The following FSCN2 variants were observed in gnomAD, a reference collection of about 807,000 sequenced individuals.
FSCN2 encodes the protein fascin-2.
A neutral mutation model predicts 37.8 loss-of-function variants in FSCN2; 46 were observed. That is an observed-to-expected ratio of 1.22 (90% confidence interval 0.96 to 1.56). The LOEUF (loss-of-function observed/expected upper bound fraction) is 1.56. Among genes scored for constraint, FSCN2 ranks in the 40% most tolerant of loss-of-function variants. The pLI, the probability that FSCN2 is intolerant of heterozygous loss-of-function variation, is 0.00. For missense variants in FSCN2, 844 were observed against 730.4 expected (o/e 1.16, Z -1.79); for synonymous variants, 351 against 309.4 (o/e 1.13, Z -1.41).
chr17:81,526,609 C>G (rs954592414), upstream of FSCN2, among the ~76,000 whole-genome samples: 1 of 152,170 alleles, frequency 6.6e-6, no homozygotes, highest in African/African-American at 2.4e-5. Context: ...GGGTGAGGAG[C>G]GAGACCCTAT....
At chr17:81,535,865 C>T (rs1468118063) in intron 2 of FSCN2, among the ~76,000 whole-genome samples, 1 of 142,958 alleles carries the variant, frequency 7.0e-6, no homozygotes, top group Non-Finnish European at 1.5e-5. Context: ...CCATCCCCCT[C>T]TCCATCCCCA....
At chr17:81,535,431 A>C (rs1377284498) in intron 2 of FSCN2, among the ~76,000 whole-genome samples, 3 of 124,958 alleles carry the variant, frequency 2.4e-5, no homozygotes, top group Non-Finnish European at 4.8e-5. Flanking sequence ...CCCCATCATC[A>C]CCATCCCCAC....
chr17:81,535,773 C>G (rs1356082840), intron 2 of FSCN2, among the ~76,000 whole-genome samples: 20 of 82,426 alleles, frequency 2.4e-4, no homozygotes, highest in Non-Finnish European at 3.8e-4. Context: ...CATCCCCATC[C>G]CCCTCACCAT....
chr17:81,516,592 G>A, the FSCN2 span, among the ~76,000 whole-genome samples: 38 of 152,160 alleles, frequency 2.5e-4, no homozygotes, highest in African/African-American at 2.4e-4. Context: ...GGCTGGTCCC[G>A]GTGGGCAAGG....
upstream of FSCN2, among the ~76,000 whole-genome samples, chr17:81,525,536 C>A (rs2032326236): frequency 6.7e-6 from 1 of 149,576 alleles, no homozygotes; most frequent in Admixed American, 6.7e-5. Context: ...GTCTGACCAA[C>A]ATAATGAAGC....
chr17:81,521,355 A>C, the FSCN2 span, among the ~76,000 whole-genome samples: 3 of 149,340 alleles, frequency 2.0e-5, no homozygotes, highest in Non-Finnish European at 4.4e-5. Context: ...GGCATAAGCC[A>C]AGCCCAGCTT....
At chr17:81,524,930 A>ACACACACCACACACACT (rs1217482763), upstream of FSCN2, among the ~76,000 whole-genome samples, 1 of 114,342 alleles carries the variant, frequency 8.7e-6, no homozygotes, top group Non-Finnish European at 2.0e-5. Context: ...CCACACTCAC[A>ACACACACCACACACACT]CACATGCACA....
intron 1 of FSCN2, 200 bp downstream of exon 1, chr17:81,529,557 A>G (rs1555670899): frequency 5.3e-6 from 4 of 758,640 alleles, no homozygotes; most frequent in African/African-American, 3.4e-5. Context: ...GGCGACCCCC[A>G]CTGAGGGGTG....
At chr17:81,524,070 C>T (rs74006324), upstream of FSCN2, among the ~76,000 whole-genome samples, 2,695 of 152,268 alleles carry the variant, frequency 0.018, 82 homozygotes, top group African/African-American at 0.062. Flanking sequence ...GAAGGGGGAC[C>T]CTGGAGCACC....
At position 81,531,384 on chromosome 17, in the gene FSCN2, G is replaced by T. The variant is rs200670068; in HGVS notation, c.826+2027G>T. Among the ~76,000 whole-genome samples, 8 of 74,464 alleles carry T rather than the reference G, an allele frequency of 1.1e-4. 1 individual carries two copies. The South Asian group carries it at 3.6e-3, about 34-fold the overall frequency. The allele number at this position is 74,464 out of a possible 152,430, so 48.9% of individuals were successfully genotyped here. On this transcript the variant is annotated intron_variant, in intron 1 of 4. Transcript: ENST00000417245. ...GGTGATGATGGTGGTGGTGATGGTGGTGATGGTGATGATGGTGATGGTGAT... is the reference window on the plus strand; with the variant it reads ...GGTGATGATGGTGGTGGTGATGGTGTTGATGGTGATGATGGTGATGGTGAT...
chr17:81,515,592 C>G, the FSCN2 span, among the ~76,000 whole-genome samples: 4 of 152,246 alleles, frequency 2.6e-5, no homozygotes, highest in African/African-American at 9.6e-5. Flanking sequence ...AGAGCTGAGG[C>G]TTAACCCAGG....
Position 81,529,185 on chromosome 17 carries a change from G to T in FSCN2, c.654G>T (p.Lys218Asn), listed in dbSNP as rs2032464185. ...ACACGCTGGAGTTCAAGGCGGGCAA[G>T]CTGGCCTTCAAGGACTGCGACGGCC... is the stretch of plus-strand genomic sequence containing the variant. ...ACYTLEFKAG[K>N]LAFKDCDGHY... Residue 218 changes from lysine (K) to asparagine (N), a missense_variant, in exon 1 of 5, where the codon AAG becomes AAT. Lys to Asn is a moderately conservative substitution (Grantham distance 94). Coordinates refer to ENST00000417245, the MANE Select transcript of FSCN2 (RefSeq NM_012418.4). The T allele has an allele frequency of 6.3e-7, 1 of 1,595,064 alleles. No individual in the cohort carries two copies.
intron 1 of FSCN2, among the ~76,000 whole-genome samples, chr17:81,529,896 G>A (rs578074341): frequency 1.9e-4 from 29 of 152,342 alleles, no homozygotes; most frequent in African/African-American, 5.8e-4. Context: ...TGCAAGCGCC[G>A]CCTCACGGGT....
At chr17:81,518,539 G>A in the FSCN2 span, among the ~76,000 whole-genome samples, 1 of 152,208 alleles carries the variant, frequency 6.6e-6, no homozygotes, top group African/African-American at 2.4e-5. Context: ...AAACGTGGAA[G>A]GGGCTATAAC....
rs371525290 is a variant in FSCN2 at position 81,529,534 on chromosome 17, C to T, written c.826+177C>T. 1.4e-4 allele frequency: 108 copies of T among 770,330 alleles called. No homozygotes were observed. In the East Asian group the frequency reaches 2.1e-3, roughly 15 times the overall value. 47.7% of individuals were successfully genotyped at this position (770,330 alleles called of 1,614,324 possible). On this transcript the variant is annotated intron_variant, in intron 1 of 4. Transcript: ENST00000417245. ...ACTCAGGGTGTAGGTGGGTGGGCCT[C>T]GGGCCATGCCCAGGCGACCCCCACT...
chr17:81,528,917 A>G lies in FSCN2; in HGVS notation c.386A>G (p.Glu129Gly), dbSNP rs562969395. The G allele has an allele frequency of 5.7e-6, 9 of 1,590,632 alleles. No homozygotes were observed. The South Asian group carries it at 7.9e-5, about 14-fold the overall frequency. ...TTCGCCACAGCCGTTTCCCCGGCCGAGCTGTGGACCGTGCACCTGGCCATC... is the reference window on the plus strand; with the variant it reads ...TTCGCCACAGCCGTTTCCCCGGCCGGGCTGTGGACCGTGCACCTGGCCATC... ...SCFATAVSPA[E>G]LWTVHLAIHP... is the part of the protein sequence containing the mutation. Residue 129 changes from glutamate (E) to glycine (G), a missense_variant, in exon 1 of 5, where the codon GAG (glutamate) becomes GGG (glycine). By Grantham distance (98) the Glu-to-Gly change is moderately conservative (BLOSUM62 -2). Coordinates refer to ENST00000417245, the MANE Select transcript of FSCN2 (RefSeq NM_012418.4).
intron 1 of FSCN2, chr17:81,530,004 GT>G (rs1344027626): frequency 3.4e-6 from 1 of 298,408 alleles, no homozygotes; most frequent in Non-Finnish European, 6.6e-6. Context: ...AAGAGACGGG[GT>G]TTCACTGTGT....
chr17:81,535,026 G>A (rs965218161), intron 1 of FSCN2, 26 bp from the exon 2 acceptor site: 4 of 1,508,524 alleles, frequency 2.7e-6, no homozygotes, highest in Non-Finnish European at 3.5e-6. Flanking sequence ...AGAGGCGTGA[G>A]GGGCTTCCCC....
In FSCN2 at chr17:81,536,902, GCAGC is replaced by G; in HGVS notation, c.1304_1307del (p.Ser435ThrfsTer?). ...CGCGACGGAGGGTTCTGGTACACGG[GCAGC>G]CACGGCAGCGTGTGCAGCGACGGCG... On this transcript the variant is annotated frameshift_variant, in exon 5 of 5. Coordinates refer to ENST00000417245, the MANE Select transcript of FSCN2 (RefSeq NM_012418.4). LOFTEE classifies it low-confidence loss of function (END_TRUNC). 6.4e-7 allele frequency: 1 copy of G among 1,574,380 alleles called. No homozygotes were observed. Among genetic ancestry groups the G allele is most frequent in the East Asian group, 2.4e-5 (1 of 41,858 alleles).
Sources: gnomAD v4.1 joint callset for allele counts (sites outside exome capture counted in the v4.1 genomes callset) on GRCh38, gnomAD v4.1.1 for gene constraint, MANE v1.5 for transcripts, NCBI Gene and HGNC (gene_info 2026-07-23, HGNC 2026-07-21) for gene names.